GABRR1: variants seen among roughly 807,000 people sequenced by gnomAD.
GABRR1 encodes the protein gamma-aminobutyric acid type A receptor subunit rho1, also known as gamma-aminobutyric acid receptor subunit rho-1.
In GABRR1, 59 loss-of-function variants were observed where a neutral mutation model predicts 55.5. That is an observed-to-expected ratio of 1.06 (90% confidence interval 0.86 to 1.32). The LOEUF is 1.32. Ranked by LOEUF, GABRR1 falls within the 40% of genes most tolerant of loss-of-function variation. GABRR1 has a pLI of 0.00. For missense variants in GABRR1, 602 were observed against 619.1 expected (o/e 0.97, Z 0.29); for synonymous variants, 213 against 226.0 (o/e 0.94, Z 0.51).
intron 1 of GABRR1, among the ~76,000 whole-genome samples, chr6:89,225,546 A>T (rs1773187466): frequency 7.5e-6 from 1 of 133,270 alleles, no homozygotes. Context: ...TAGTTTACTG[A>T]GAATGATGAT....
Position 89,180,328 on chromosome 6 carries a change from A to G in GABRR1, c.1110T>C (p.Thr370=), listed in dbSNP as rs1198193523. 1.9e-6 allele frequency: 3 copies of G among 1,613,870 alleles called. No individual in the cohort carries two copies. Among genetic ancestry groups the G allele is most frequent in the Admixed American group, 3.3e-5 (2 of 59,988 alleles). Residue 370 remains threonine (T), a synonymous_variant, in exon 9 of 10, where the codon ACT becomes ACC. Coordinates refer to ENST00000454853, the MANE Select transcript of GABRR1 (RefSeq NM_002042.5). ...LEYAAVNYLT[T]VQERKEQKLR... is the part of the protein sequence containing the mutation. ...GCTTCTGTTCCTTCCTCTCCTGCAC[A>G]GTGGTCAGGTAGTTGACGGCCGCAT...
At chr6:89,207,269 A>G (rs903784384) in intron 1 of GABRR1, among the ~76,000 whole-genome samples, 2 of 152,038 alleles carry the variant, frequency 1.3e-5, no homozygotes, top group African/African-American at 4.8e-5. Context: ...ATCTCAGCTC[A>G]CTGCAGCCTT....
At position 89,185,467 on chromosome 6, in the gene GABRR1, C is replaced by T. The variant is rs561725817; in HGVS notation, c.656-17G>A. 11 of 1,611,422 alleles carry T rather than the reference C, an allele frequency of 6.8e-6. No homozygotes were observed. In the South Asian group the frequency reaches 8.8e-5, roughly 13 times the overall value. On this transcript the variant is annotated splice_polypyrimidine_tract_variant and intron_variant, in intron 6 of 9. Transcript: ENST00000454853. ...TATAGGCATCTGAAAAGACAGGGGC[C>T]AGCATCAGACACAAGGTGGTGGCAA...
At chr6:89,186,087 A>G (rs1582377936) in intron 6 of GABRR1, among the ~76,000 whole-genome samples, 2 of 152,026 alleles carry the variant, frequency 1.3e-5, no homozygotes, top group Non-Finnish European at 2.9e-5. Flanking sequence ...GAACAAACCT[A>G]CCTCCAGCCT....
rs1239310771 is a variant in GABRR1, at chr6:89,195,742, T to C, written c.572+2278A>G. 3.3e-5 allele frequency among the ~76,000 whole-genome samples: 5 copies of C among 152,364 alleles called. No homozygotes were observed. The East Asian group carries it at 9.6e-4, about 29-fold the overall frequency. On this transcript the variant is annotated intron_variant, in intron 5 of 9. Transcript: ENST00000454853. ...ATTTCACCACATTTTATTATGTATA[T>C]TCTTGAAGCCATTTACACTTATTGC...
chr6:89,204,581 T>G, intron 1 of GABRR1: 2 of 1,229,584 alleles, frequency 1.6e-6, no homozygotes, highest in African/African-American at 1.6e-5. Context: ...GAAAAAAGCT[T>G]GGCCCAGCTC....
upstream of GABRR1, among the ~76,000 whole-genome samples, chr6:89,219,285 T>G (rs780254913): frequency 3.3e-5 from 5 of 151,896 alleles, no homozygotes; most frequent in Admixed American, 6.6e-5. Flanking sequence ...GAAAAGAAAA[T>G]AACAGACACT....
Position 89,187,433 on chromosome 6 carries a change from G to A in GABRR1, c.656-1983C>T, listed in dbSNP as rs186542309. On this transcript the variant is annotated intron_variant, in intron 6 of 9. Coordinates refer to ENST00000454853, the MANE Select transcript of GABRR1 (RefSeq NM_002042.5). ...TTTGCCATTGTATATTCTCCCATTC[G>A]TGGGTTGCATTTACTCTGTTGATAA... Among the ~76,000 whole-genome samples, 8 of 152,060 alleles carry A rather than the reference G, an allele frequency of 5.3e-5. No homozygotes were observed. The East Asian group carries it at 7.7e-4, about 15-fold the overall frequency.
chr6:89,198,710 T>C (rs1772377805), intron 4 of GABRR1, among the ~76,000 whole-genome samples: 1 of 152,192 alleles, frequency 6.6e-6, no homozygotes, highest in African/African-American at 2.4e-5. Context: ...TCTGTGGTTC[T>C]ATAACTGAGT....
chr6:89,224,532 C>T (rs1352543603), intron 1 of GABRR1, among the ~76,000 whole-genome samples: 1 of 151,974 alleles, frequency 6.6e-6, no homozygotes, highest in Non-Finnish European at 1.5e-5. Flanking sequence ...TTTTTTTCTC[C>T]TGTAATTTGT....
At chr6:89,217,964 A>G (rs1255783987), upstream of GABRR1, among the ~76,000 whole-genome samples, 2 of 152,184 alleles carry the variant, frequency 1.3e-5, no homozygotes, top group East Asian at 3.9e-4. Flanking sequence ...TGTCAGTTGC[A>G]TTGTTCTTAT....
At chr6:89,219,547 A>T (rs1399363966), upstream of GABRR1, among the ~76,000 whole-genome samples, 5 of 152,228 alleles carry the variant, frequency 3.3e-5, no homozygotes, top group African/African-American at 9.6e-5. Context: ...TGAAATGAGC[A>T]AAATAGATTA....
chr6:89,217,318 A>G lies in GABRR1; in HGVS notation c.5T>C (p.Leu2Ser). ...GCCAAATCTCATATTTGGGACAGCCAACATGGGTTTCCAAATTCAAACAGC... is the reference window on the plus strand; with the variant it reads ...GCCAAATCTCATATTTGGGACAGCCGACATGGGTTTCCAAATTCAAACAGC... M[L>S]AVPNMRFGIF... Residue 2 changes from leucine (L) to serine (S), a missense_variant, in exon 1 of 10, where the codon TTG (leucine) becomes TCG (serine). Coordinates refer to ENST00000454853, the MANE Select transcript of GABRR1 (RefSeq NM_002042.5). The G allele has an allele frequency of 6.2e-7, 1 of 1,614,158 alleles. No homozygotes were observed. The highest frequency in any genetic ancestry group is 1.1e-5 in the South Asian group (1 of 91,068).
chr6:89,182,208 A>T, intron 7 of GABRR1, 151 bp from the exon 8 acceptor site: 1 of 735,348 alleles, frequency 1.4e-6, no homozygotes, highest in East Asian at 2.7e-5. Flanking sequence ...AAACAAAGTG[A>T]TTATATAGTA....
intron 7 of GABRR1, among the ~76,000 whole-genome samples, chr6:89,184,400 G>T (rs9362624): frequency 0.17 from 23,766 of 142,552 alleles, 2,044 homozygotes; most frequent in Admixed American, 0.26. Context: ...CAGGAGAAAG[G>T]TCACAGAGCA....
At chr6:89,211,631 A>G (rs1250810422) in intron 1 of GABRR1, among the ~76,000 whole-genome samples, 3 of 151,894 alleles carry the variant, frequency 2.0e-5, no homozygotes, top group African/African-American at 7.3e-5. Context: ...AACCCTTGAC[A>G]CCTTGCTAGA....
chr6:89,214,680 G>A (rs1772934196), intron 1 of GABRR1, among the ~76,000 whole-genome samples: 1 of 152,160 alleles, frequency 6.6e-6, no homozygotes, highest in Non-Finnish European at 1.5e-5. Context: ...TTAGGGAAAT[G>A]CAAATTTGAA....
chr6:89,198,484 C>T (rs1476035747), intron 4 of GABRR1, among the ~76,000 whole-genome samples: 1 of 151,830 alleles, frequency 6.6e-6, no homozygotes. Context: ...TGTGCCTGGC[C>T]CTGCTTCAAG....
chr6:89,226,492 G>C (rs1031072459), intron 1 of GABRR1, among the ~76,000 whole-genome samples: 53 of 151,962 alleles, frequency 3.5e-4, no homozygotes, highest in African/African-American at 1.2e-3. Context: ...TGGCTAGCCA[G>C]TTTTCCCAGC....
Sources: gnomAD v4.1 joint callset for allele counts (sites outside exome capture counted in the v4.1 genomes callset) on GRCh38, gnomAD v4.1.1 for gene constraint, MANE v1.5 for transcripts, NCBI Gene and HGNC (gene_info 2026-07-23, HGNC 2026-07-21) for gene names.